The following CCR1 variants were observed in gnomAD, a reference collection of about 807,000 sequenced individuals.
The protein encoded by CCR1 is C-C chemokine receptor type 1.
CCR1 carries 1 observed loss-of-function variant against 0.3 expected under a neutral mutation model. The observed-to-expected ratio is 3.70, with a 90% confidence interval of 1.31 to 17.54. The LOEUF is 17.54. Among genes scored for constraint, CCR1 ranks in the 30% most tolerant of loss-of-function variants. The probability of loss-of-function intolerance (pLI) is 0.11; values close to 1 mark genes in which losing one functional copy is unlikely to be tolerated. For missense variants in CCR1, 349 were observed against 435.4 expected, an observed-to-expected ratio of 0.80 and a Z score of 1.77; for synonymous variants, 207 against 182.5, an observed-to-expected ratio of 1.13 and a Z score of -1.08.
chr3:46,204,302 T>C lies in CCR1; in HGVS notation c.12A>G (p.Pro4=), dbSNP rs1157950327. The C allele has an allele frequency of 1.3e-6, 2 of 1,568,652 alleles. No homozygotes were observed. The highest frequency in any genetic ancestry group is 8.6e-7 in the Non-Finnish European group (1 of 1,161,542). The change falls in exon 2 of 2, where the codon CCA becomes CCG. Residue 4 remains proline, a synonymous_variant. Transcript: ENST00000296140. ...TCGTGTCATAGTCCTCTGTGGTGTT[T>C]GGAGTTTCCATCCCGGCTTCTCCTA... MET[P]NTTEDYDTTT...
At chr3:46,205,091 A>C (rs749733561) in intron 1 of CCR1, among the ~76,000 whole-genome samples, 1 of 152,216 alleles carries the variant, frequency 6.6e-6, no homozygotes, top group Non-Finnish European at 1.5e-5. Flanking sequence ...TGCTACCGTC[A>C]TTTGGTAGGC....
Position 46,204,089 on chromosome 3 carries a change from G to T in CCR1, c.225C>A (p.Asn75Lys). The T allele has an allele frequency of 1.2e-6, 2 of 1,614,126 alleles. No homozygotes were observed. The highest frequency in any genetic ancestry group is 1.7e-6 in the Non-Finnish European group (2 of 1,180,000). ...GGAAGAGCAGGTCAGAAATGGCCAG[G>T]TTCAGGAGGTAGATGCTGGTCATGT... ...LKNMTSIYLLNLAISDLLFLF... is the reference protein window; with the variant it reads ...LKNMTSIYLLKLAISDLLFLF... The change falls in exon 2 of 2, where the codon AAC becomes AAA. Residue 75 changes from asparagine to lysine, a missense_variant. Coordinates refer to ENST00000296140, the MANE Select transcript of CCR1 (RefSeq NM_001295.3).
At chr3:46,205,625 C>T (rs1266795288) in intron 1 of CCR1, among the ~76,000 whole-genome samples, 1 of 152,154 alleles carries the variant, frequency 6.6e-6, no homozygotes, top group African/African-American at 2.4e-5. Flanking sequence ...GTGTAACCTA[C>T]GAGCTTTGTG....
chr3:46,205,465 C>T (rs1008803009), intron 1 of CCR1, among the ~76,000 whole-genome samples: 12 of 152,146 alleles, frequency 7.9e-5, no homozygotes, highest in African/African-American at 2.2e-4. Context: ...TTTTTACCCA[C>T]GGATGCCTTA....
rs916837837 is a variant in CCR1, at chr3:46,202,155, A to G, written c.*1091T>C. On this transcript the variant is annotated 3_prime_UTR_variant, in exon 2 of 2. Transcript: ENST00000296140. ...ATCTCACCCCACCCTCCTAGTAGAC[A>G]CTTTCCTCCCAACCCCCTATCAGCT... 3.3e-5 allele frequency: 5 copies of G among 151,866 alleles called. No homozygotes were observed. The highest frequency in any genetic ancestry group is 1.2e-4 in the African/African-American group (5 of 41,316). 9.4% of individuals were successfully genotyped at this position (151,866 alleles called of 1,614,324 possible).
In CCR1 at chr3:46,204,005, A is replaced by G. The variant is rs988496642; in HGVS notation, c.309T>C (p.Asp103=). The change falls in exon 2 of 2, where the codon GAT becomes GAC. Residue 103 remains aspartate (D), a synonymous_variant. Transcript: ENST00000296140. ...YKLKDDWVFG[D]AMCKILSGFY... ...ACCCAGAGAGGATCTTACACATGGC[A>G]TCACCAAAAACCCAGTCATCCTTCA... 2.5e-6 allele frequency: 4 copies of G among 1,614,134 alleles called. No homozygotes were observed. In the African/African-American group the frequency reaches 4.0e-5, roughly 16 times the overall value.
chr3:46,203,542 T>C lies in CCR1; in HGVS notation c.772A>G (p.Thr258Ala). ...FFLFWTPYNL[T>A]ILISVFQDFL... ...TCTTGGAAAACAGAAATAAGTATAG[T>C]CAAATTGTAGGGGGTCCAAAAGAGA... The change falls in exon 2 of 2, where the codon ACT becomes GCT. Residue 258 changes from threonine to alanine, a missense_variant. Coordinates refer to ENST00000296140, the MANE Select transcript of CCR1 (RefSeq NM_001295.3). This position sits in a 1 kb window ranked among gnomAD's most constrained non-coding sequence, Gnocchi z 4.5. 6.2e-7 allele frequency: 1 copy of C among 1,613,978 alleles called. No homozygotes were observed. The highest frequency in any genetic ancestry group is 1.1e-5 in the South Asian group (1 of 91,074).
At chr3:46,204,834 G>A (rs1418011643) in intron 1 of CCR1, among the ~76,000 whole-genome samples, 3 of 152,188 alleles carry the variant, frequency 2.0e-5, no homozygotes. Context: ...CAACCCAGCT[G>A]TGCATCATTC....
chr3:46,203,308 GC>G lies in CCR1; in HGVS notation c.1005del (p.Arg335SerfsTer35), dbSNP rs1022506898. The G allele has an allele frequency of 6.2e-7, 1 of 1,614,160 alleles. No individual in the cohort carries two copies. Among genetic ancestry groups the G allele is most frequent in the Non-Finnish European group, 8.5e-7 (1 of 1,179,990 alleles). ...GGAGATGTGGAGCTGACCCTCTCCA[GC>G]CTGTCCACGGAGAGGAAGGGGAGCC... ...VKWLPFLSVD[R>X]LERVSSTSPS... On this transcript the variant is annotated frameshift_variant, in exon 2 of 2. Coordinates refer to ENST00000296140, the MANE Select transcript of CCR1 (RefSeq NM_001295.3). LOFTEE classifies it high-confidence loss of function. The surrounding 1 kb of genome is among the most constrained non-coding windows in gnomAD (Gnocchi z 4.5).
Position 46,203,286 on chromosome 3 carries a change from G to A in CCR1, c.1028C>T (p.Ser343Phe). ...GAGTTCATGCTCCCCTGTGGAGGGA[G>A]ATGTGGAGCTGACCCTCTCCAGCCT... ...VDRLERVSSTSPSTGEHELSA... is the reference protein window; with the variant it reads ...VDRLERVSSTFPSTGEHELSA... Residue 343 changes from serine (S) to phenylalanine (F), a missense_variant, in exon 2 of 2, where the codon TCT becomes TTT. Physicochemically the swap from Ser to Phe is radical, Grantham distance 155. Transcript: ENST00000296140. This position sits in a 1 kb window ranked among gnomAD's most constrained non-coding sequence, Gnocchi z 4.5. The A allele has an allele frequency of 6.2e-7, 1 of 1,614,142 alleles. No homozygotes were observed. Among genetic ancestry groups the A allele is most frequent in the Non-Finnish European group, 8.5e-7 (1 of 1,179,984 alleles).
intron 1 of CCR1, among the ~76,000 whole-genome samples, chr3:46,207,067 A>G (rs1699654727): frequency 1.3e-5 from 2 of 152,168 alleles, no homozygotes; most frequent in African/African-American, 4.8e-5. Flanking sequence ...CTTGAAACTG[A>G]CCACAGTGGG....
Position 46,204,209 on chromosome 3 carries a change from T to A in CCR1, c.105A>T (p.Gln35His). The change falls in exon 2 of 2, where the codon CAA (glutamine) becomes CAT (histidine). Residue 35 changes from glutamine to histidine, a missense_variant. By Grantham distance (24) the Gln-to-His change is conservative. Coordinates refer to ENST00000296140, the MANE Select transcript of CCR1 (RefSeq NM_001295.3). ...QKVNERAFGA[Q>H]LLPPLYSLVF... ...CCAAGGAGTACAGAGGGGGCAGCAG[T>A]TGGGCCCCAAAGGCCCTCTCGTTCA... The A allele has an allele frequency of 6.2e-7, 1 of 1,614,062 alleles. No homozygotes were observed. The highest frequency in any genetic ancestry group is 8.5e-7 in the Non-Finnish European group (1 of 1,179,956).
At chr3:46,207,289 T>C (rs549552706) in intron 1 of CCR1, among the ~76,000 whole-genome samples, 2 of 152,030 alleles carry the variant, frequency 1.3e-5, no homozygotes, top group African/African-American at 4.8e-5. Flanking sequence ...AGTTTCCATC[T>C]CTTCTTTGAA....
intron 1 of CCR1, among the ~76,000 whole-genome samples, chr3:46,206,580 G>A (rs933929109): frequency 6.6e-6 from 1 of 152,214 alleles, no homozygotes; most frequent in African/African-American, 2.4e-5. Flanking sequence ...CATGAGTCCA[G>A]TTTCTGGGAA....
chr3:46,204,345 A>G (rs1699628802), intron 1 of CCR1, 21 bp from the exon 2 acceptor site: 1 of 1,453,552 alleles, frequency 6.9e-7, no homozygotes, highest in Non-Finnish European at 9.2e-7. Flanking sequence ...AAAAAAAAAA[A>G]AAGATTTGTC....
At chr3:46,205,462 C>T (rs13096307) in intron 1 of CCR1, among the ~76,000 whole-genome samples, 10,440 of 152,128 alleles carry the variant, frequency 0.069, 584 homozygotes, top group South Asian at 0.27. Flanking sequence ...ATATTTTTAC[C>T]CACGGATGCC....
intron 1 of CCR1, among the ~76,000 whole-genome samples, chr3:46,205,822 A>T (rs900436621): frequency 6.6e-6 from 1 of 152,004 alleles, no homozygotes. Flanking sequence ...AGGCCAGGGC[A>T]CTTTTCTTGG....
chr3:46,206,016 A>G (rs1699644730), intron 1 of CCR1, among the ~76,000 whole-genome samples: 1 of 152,184 alleles, frequency 6.6e-6, no homozygotes, highest in South Asian at 2.1e-4. Context: ...ACGGTGGACA[A>G]TGATGGTCCC....
Position 46,203,299 on chromosome 3 carries a change from C to A in CCR1, c.1015G>T (p.Val339Phe). 1.9e-6 allele frequency: 3 copies of A among 1,614,162 alleles called. No individual in the cohort carries two copies. The highest frequency in any genetic ancestry group is 2.5e-6 in the Non-Finnish European group (3 of 1,180,006). The change falls in exon 2 of 2, where the codon GTC (valine) becomes TTC (phenylalanine). Residue 339 changes from valine to phenylalanine, a missense_variant. By Grantham distance (50) the Val-to-Phe change is conservative. Transcript: ENST00000296140. This position sits in a 1 kb window ranked among gnomAD's most constrained non-coding sequence, Gnocchi z 4.5. Reference sequence around the variant, plus strand: ...CCTGTGGAGGGAGATGTGGAGCTGACCCTCTCCAGCCTGTCCACGGAGAGG... The same window carrying A: ...CCTGTGGAGGGAGATGTGGAGCTGAACCTCTCCAGCCTGTCCACGGAGAGG... Reference protein sequence around the residue: ...PFLSVDRLERVSSTSPSTGEH... With the variant: ...PFLSVDRLERFSSTSPSTGEH...
Sources: gnomAD v4.1 joint callset for allele counts (sites outside exome capture counted in the v4.1 genomes callset) on GRCh38, gnomAD v4.1.1 for gene constraint, Gnocchi (gnomAD v3.1) non-coding constraint, MANE v1.5 for transcripts, NCBI Gene and HGNC (gene_info 2026-07-23, HGNC 2026-07-21) for gene names.